SIPA1L2: variants seen among roughly 807,000 people sequenced by gnomAD.
SIPA1L2 encodes the protein signal induced proliferation associated 1 like 2.
SIPA1L2 carries 56 observed loss-of-function variants against 163.9 expected under a neutral mutation model. The ratio of observed to expected loss-of-function variants is 0.34; its 90% CI spans 0.28 to 0.43. The LOEUF (loss-of-function observed/expected upper bound fraction) is 0.43. SIPA1L2 is among the 20% of genes least tolerant of loss of function. The probability of loss-of-function intolerance (pLI) is 1.00; values close to 1 mark genes in which losing one functional copy is unlikely to be tolerated. For missense variants in SIPA1L2, 1,974 were observed against 2,193.5 expected, an observed-to-expected ratio of 0.90 and a Z score of 2.00; for synonymous variants, 877 against 865.7, an observed-to-expected ratio of 1.01 and a Z score of -0.23.
At chr1:232,559,545 G>A (rs1009006284) in intron 2 of SIPA1L2, among the ~76,000 whole-genome samples, 6 of 152,170 alleles carry the variant, frequency 3.9e-5, no homozygotes, top group African/African-American at 1.4e-4. Flanking sequence ...ATAATGAAAT[G>A]TGCTTTAATA....
chr1:232,563,310 T>C (rs1659152628), intron 2 of SIPA1L2, among the ~76,000 whole-genome samples: 1 of 152,196 alleles, frequency 6.6e-6, no homozygotes, highest in African/African-American at 2.4e-5. Flanking sequence ...TCACCTGGAT[T>C]CCTCCAGCTT....
At chr1:232,473,531 C>T (rs1278345468) in intron 7 of SIPA1L2, among the ~76,000 whole-genome samples, 1 of 152,184 alleles carries the variant, frequency 6.6e-6, no homozygotes, top group Non-Finnish European at 1.5e-5. Flanking sequence ...GCAAATTGCA[C>T]AGTTATTCCT....
chr1:232,611,231 T>A (rs1662220355), intron 1 of SIPA1L2, among the ~76,000 whole-genome samples: 1 of 152,218 alleles, frequency 6.6e-6, no homozygotes, highest in South Asian at 2.1e-4. Context: ...GTTAAACCAT[T>A]TTTTCTTCCC....
rs1662300535 is a variant in SIPA1L2, at chr1:232,432,441, A to G, written c.4062T>C (p.Ala1354=). 1 of 1,614,134 alleles carries G rather than the reference A, an allele frequency of 6.2e-7. No homozygotes were observed. The highest frequency in any genetic ancestry group is 8.5e-7 in the Non-Finnish European group (1 of 1,180,050). ...GAGACCCACTACTTTTTGAACAGTG[A>G]GCTGAAGGGCTTCCTGAATGGTGAG... is the stretch of plus-strand genomic sequence containing the variant. ...SGSHHSGSPS[A]HCSKSSGSLD... Residue 1354 remains alanine (A), a synonymous_variant, in exon 16 of 23, where the codon GCT becomes GCC. Transcript: ENST00000674635.
chr1:232,525,607 C>T lies in SIPA1L2; in HGVS notation c.-269-9999G>A, dbSNP rs772376265. On this transcript the variant is annotated intron_variant, in intron 2 of 22. Transcript: ENST00000674635. The stretch of plus-strand genomic sequence containing the variant: ...TTCACAGGCCTTACACCCCACGAGA[C>T]GCTTGGTGCACTGCAAGGCTGCTCA... Among the ~76,000 whole-genome samples the T allele has an allele frequency of 5.3e-5, 8 of 152,142 alleles. No homozygotes were observed. The South Asian group carries it at 6.2e-4, about 12-fold the overall frequency.
intron 1 of SIPA1L2, among the ~76,000 whole-genome samples, chr1:232,580,300 C>T (rs1263334647): frequency 6.6e-6 from 1 of 152,130 alleles, no homozygotes; most frequent in African/African-American, 2.4e-5. Context: ...CCAGAGGTCA[C>T]TTTTGTCACC....
intron 10 of SIPA1L2, among the ~76,000 whole-genome samples, chr1:232,447,101 A>G (rs918791030): frequency 1.3e-5 from 2 of 152,236 alleles, no homozygotes; most frequent in African/African-American, 4.8e-5. Context: ...ATGTACTCCA[A>G]ATTTCAAAGA....
chr1:232,484,004 T>A, intron 5 of SIPA1L2, 38 bp from the exon 6 acceptor site: 1 of 1,571,344 alleles, frequency 6.4e-7, no homozygotes, highest in Non-Finnish European at 8.6e-7. Context: ...TGGCAAAGCA[T>A]ATCAGACAAG....
In SIPA1L2 at chr1:232,465,363, T is replaced by G; in HGVS notation, c.2297A>C (p.Lys766Thr). Reference sequence around the variant, plus strand: ...GGCTGACTTTGGAAAAGTTACACCTTTGGGAATCGGTGGGCCAAATGGTGG... The same window carrying G: ...GGCTGACTTTGGAAAAGTTACACCTGTGGGAATCGGTGGGCCAAATGGTGG... ...DVPPFGPPIP[K>T]GVTFPKSAVF... Residue 766 changes from lysine (K) to threonine (T), a missense_variant, in exon 9 of 23, where the codon AAA (lysine) becomes ACA (threonine). By Grantham distance (78) the Lys-to-Thr change is moderately conservative. Transcript: ENST00000674635. The surrounding 1 kb of genome is among the most constrained non-coding windows in gnomAD (Gnocchi z 4.1). 1.9e-6 allele frequency: 3 copies of G among 1,613,720 alleles called. No homozygotes were observed. The highest frequency in any genetic ancestry group is 2.5e-6 in the Non-Finnish European group (3 of 1,179,688).
intron 1 of SIPA1L2, among the ~76,000 whole-genome samples, chr1:232,615,634 G>A (rs1411857519): frequency 6.6e-6 from 1 of 152,138 alleles, no homozygotes; most frequent in Non-Finnish European, 1.5e-5. Flanking sequence ...ATTTTAAACA[G>A]GGACTAGGTC....
At chr1:232,561,845 A>G (rs1243537228) in intron 2 of SIPA1L2, among the ~76,000 whole-genome samples, 1 of 152,222 alleles carries the variant, frequency 6.6e-6, no homozygotes, top group Non-Finnish European at 1.5e-5. Flanking sequence ...TACACAGGGC[A>G]GCGTGTGGAA....
chr1:232,629,481 G>A (rs1320068384), intron 1 of SIPA1L2, among the ~76,000 whole-genome samples: 2 of 152,362 alleles, frequency 1.3e-5, no homozygotes, highest in East Asian at 3.9e-4. Context: ...CAGCTGGCCA[G>A]GCGCGCCGGG....
chr1:232,548,046 T>C (rs1363055901), intron 2 of SIPA1L2, among the ~76,000 whole-genome samples: 2 of 152,212 alleles, frequency 1.3e-5, no homozygotes, highest in Non-Finnish European at 2.9e-5. Context: ...TCTCAAATGC[T>C]AATCCCAAGA....
intron 6 of SIPA1L2, 95 bp from the exon 7 acceptor site, chr1:232,479,825 A>G (rs1462236986): frequency 9.4e-7 from 1 of 1,061,580 alleles, no homozygotes; most frequent in African/African-American, 1.6e-5. Flanking sequence ...CAAAAAACAA[A>G]AAACACCAAG....
At chr1:232,448,507 T>A (rs1316281372) in intron 10 of SIPA1L2, among the ~76,000 whole-genome samples, 3 of 152,192 alleles carry the variant, frequency 2.0e-5, no homozygotes, top group Non-Finnish European at 4.4e-5. Flanking sequence ...CAGAAAATCA[T>A]CACAACAGAA....
chr1:232,508,768 T>C (rs757058503), intron 3 of SIPA1L2, among the ~76,000 whole-genome samples: 1 of 152,216 alleles, frequency 6.6e-6, no homozygotes, highest in Non-Finnish European at 1.5e-5. Flanking sequence ...GGGCATTCAC[T>C]CTACTTGCTA....
intron 18 of SIPA1L2, among the ~76,000 whole-genome samples, chr1:232,424,528 T>C (rs865941937): frequency 6.6e-6 from 1 of 152,052 alleles, no homozygotes; most frequent in Non-Finnish European, 1.5e-5. Flanking sequence ...AAGTTACCTT[T>C]TACAAAAAAG....
At position 232,514,441 on chromosome 1, in the gene SIPA1L2, C is replaced by T. The variant is rs1667124083; in HGVS notation, c.899G>A (p.Ser300Asn). The T allele has an allele frequency of 6.2e-7, 1 of 1,614,260 alleles. No homozygotes were observed. The highest frequency in any genetic ancestry group is 8.5e-7 in the Non-Finnish European group (1 of 1,180,050). Residue 300 changes from serine (S) to asparagine (N), a missense_variant, in exon 3 of 23, where the codon AGT becomes AAT. Coordinates refer to ENST00000674635, the MANE Select transcript of SIPA1L2 (RefSeq NM_020808.5). ...CGTGAACTTGAAAGTTTCGTGCTCA[C>T]TTTTAACAGTTCGAAGCTTTCGGAA... The part of the protein sequence containing the change: ...SLFRKLRTVK[S>N]EHETFKFTSE...
intron 3 of SIPA1L2, among the ~76,000 whole-genome samples, chr1:232,497,246 G>A (rs1304174288): frequency 6.6e-6 from 1 of 152,156 alleles, no homozygotes; most frequent in African/African-American, 2.4e-5. Context: ...TGTGGCAATG[G>A]TAACACCATA....
Sources: gnomAD v4.1 joint callset for allele counts (sites outside exome capture counted in the v4.1 genomes callset) on GRCh38, gnomAD v4.1.1 for gene constraint, Gnocchi (gnomAD v3.1) non-coding constraint, MANE v1.5 for transcripts, NCBI Gene and HGNC (gene_info 2026-07-23, HGNC 2026-07-21) for gene names.